ZFPM2: variants seen among roughly 807,000 people sequenced by gnomAD.
ZFPM2 encodes zinc finger protein ZFPM2.
A neutral mutation model predicts 98.6 loss-of-function variants in ZFPM2; 20 were observed. The observed-to-expected ratio is 0.20, with a 90% CI of 0.14 to 0.29. The LOEUF is 0.29. Ranked by LOEUF, ZFPM2 falls within the 10% of genes least tolerant of loss-of-function variation. The pLI is 1.00. For missense variants in ZFPM2, 1,310 were observed against 1,388.6 expected (o/e 0.94, Z 0.90); for synonymous variants, 518 against 502.7 (o/e 1.03, Z -0.41).
intron 3 of ZFPM2, among the ~76,000 whole-genome samples, chr8:105,516,753 G>A (rs1813931060): frequency 6.6e-6 from 1 of 152,046 alleles, no homozygotes; most frequent in Admixed American, 6.5e-5. Flanking sequence ...TGCTATCATG[G>A]GTAGATATAA....
At chr8:105,327,363 T>C (rs1812133988) in intron 1 of ZFPM2, among the ~76,000 whole-genome samples, 1 of 151,728 alleles carries the variant, frequency 6.6e-6, no homozygotes, top group South Asian at 2.1e-4. Flanking sequence ...TCTGTTAATA[T>C]GGAACTTTAA....
chr8:105,576,875 C>T (rs1815478822), intron 4 of ZFPM2, among the ~76,000 whole-genome samples: 1 of 152,116 alleles, frequency 6.6e-6, no homozygotes, highest in Non-Finnish European at 1.5e-5. Flanking sequence ...AATCTCCAGC[C>T]ATATTGTGTG....
At chr8:105,526,380 T>C (rs1384801932) in intron 3 of ZFPM2, among the ~76,000 whole-genome samples, 2 of 152,182 alleles carry the variant, frequency 1.3e-5, no homozygotes, top group Admixed American at 1.3e-4. Context: ...TGCATGTTAT[T>C]GTCTACTTTG....
chr8:105,751,877 G>T (rs1413854678), intron 5 of ZFPM2, among the ~76,000 whole-genome samples: 1 of 151,794 alleles, frequency 6.6e-6, no homozygotes, highest in African/African-American at 2.4e-5. Context: ...TTATTTAAAT[G>T]GTTTGCCTTA....
intron 1 of ZFPM2, among the ~76,000 whole-genome samples, chr8:105,362,973 T>A (rs1810436489): frequency 6.6e-6 from 1 of 152,214 alleles, no homozygotes; most frequent in Non-Finnish European, 1.5e-5. Context: ...CTAAGACAGC[T>A]GGAGTGGGAG....
At chr8:105,324,759 T>C (rs1490623246) in intron 1 of ZFPM2, among the ~76,000 whole-genome samples, 1 of 151,992 alleles carries the variant, frequency 6.6e-6, no homozygotes, top group Admixed American at 6.6e-5. Context: ...TTCTGTAATT[T>C]ATTTTTACAT....
chr8:105,395,165 C>T (rs1811196079), intron 1 of ZFPM2, among the ~76,000 whole-genome samples: 1 of 152,194 alleles, frequency 6.6e-6, no homozygotes, highest in Non-Finnish European at 1.5e-5. Flanking sequence ...AATCCTTCCG[C>T]TACAGAAGCT....
At chr8:105,600,295 G>T (rs1816064749) in intron 4 of ZFPM2, among the ~76,000 whole-genome samples, 2 of 152,022 alleles carry the variant, frequency 1.3e-5, no homozygotes, top group African/African-American at 2.4e-5. Context: ...ATTAATGATG[G>T]ATTTGGGAAT....
chr8:105,443,319 C>CA (rs1466026465), intron 2 of ZFPM2, among the ~76,000 whole-genome samples: 3 of 124,836 alleles, frequency 2.4e-5, no homozygotes, highest in African/African-American at 3.5e-5. Flanking sequence ...TCTCAAAAAA[C>CA]AAAAAACAAA....
intron 4 of ZFPM2, among the ~76,000 whole-genome samples, chr8:105,598,066 C>CTTTTT (rs76865028): frequency 3.1e-5 from 4 of 130,174 alleles, no homozygotes; most frequent in African/African-American, 8.4e-5. Flanking sequence ...AAAAAAAAAC[C>CTTTTT]TTTTTTTTTT....
intron 7 of ZFPM2, among the ~76,000 whole-genome samples, chr8:105,800,812 CTT>C (rs1234884081): frequency 6.6e-6 from 1 of 152,150 alleles, no homozygotes. Context: ...GACACTGACA[CTT>C]ATTCCACTTT....
intron 5 of ZFPM2, among the ~76,000 whole-genome samples, chr8:105,655,432 C>A (rs1319312438): frequency 7.9e-5 from 12 of 151,824 alleles, no homozygotes; most frequent in Non-Finnish European, 1.5e-4. Flanking sequence ...GGTTTCTCCA[C>A]ATTGGTCAGA....
At chr8:105,439,470 C>T (rs779393904) in intron 2 of ZFPM2, among the ~76,000 whole-genome samples, 2 of 152,134 alleles carry the variant, frequency 1.3e-5, no homozygotes, top group African/African-American at 2.4e-5. Context: ...TGCCATAGCC[C>T]TACTATCCTG....
intron 4 of ZFPM2, among the ~76,000 whole-genome samples, chr8:105,626,976 G>A (rs1816669672): frequency 6.6e-6 from 1 of 152,112 alleles, no homozygotes; most frequent in East Asian, 1.9e-4. Context: ...CATCTCATGG[G>A]AAGATTTTCC....
At chr8:105,375,403 A>G (rs1810705203) in intron 1 of ZFPM2, among the ~76,000 whole-genome samples, 1 of 152,150 alleles carries the variant, frequency 6.6e-6, no homozygotes, top group Non-Finnish European at 1.5e-5. Flanking sequence ...TTCCTTAGGA[A>G]GGGAAAAGAT....
intron 4 of ZFPM2, among the ~76,000 whole-genome samples, chr8:105,610,829 C>G (rs1320500985): frequency 6.6e-6 from 1 of 152,144 alleles, no homozygotes; most frequent in East Asian, 1.9e-4. Flanking sequence ...TTCCTAAGGG[C>G]AGAGAAAAGC....
At chr8:105,622,256 A>C (rs1189591385) in intron 4 of ZFPM2, among the ~76,000 whole-genome samples, 1 of 152,124 alleles carries the variant, frequency 6.6e-6, no homozygotes, top group East Asian at 1.9e-4. Context: ...TCAGTTTGTC[A>C]TGTTAGCATT....
At chr8:105,604,209 T>A (rs532816864) in intron 4 of ZFPM2, among the ~76,000 whole-genome samples, 1 of 151,996 alleles carries the variant, frequency 6.6e-6, no homozygotes, top group Non-Finnish European at 1.5e-5. Context: ...GACCCTCAAA[T>A]CTGGGAGTTA....
chr8:105,405,933 C>T (rs1383642500), intron 1 of ZFPM2, among the ~76,000 whole-genome samples: 7 of 152,146 alleles, frequency 4.6e-5, no homozygotes, highest in African/African-American at 1.4e-4. Flanking sequence ...ACATCCTCTC[C>T]AGCACCTGTT....
Sources: gnomAD v4.1 joint callset for allele counts (sites outside exome capture counted in the v4.1 genomes callset) on GRCh38, gnomAD v4.1.1 for gene constraint, MANE v1.5 for transcripts, NCBI Gene and HGNC (gene_info 2026-07-23, HGNC 2026-07-21) for gene names.